Variants in IL1RAPL2 observed in about 807,000 individuals in gnomAD.
The protein encoded by IL1RAPL2 is X-linked interleukin-1 receptor accessory protein-like 2.
A neutral mutation model predicts 44.1 loss-of-function variants in IL1RAPL2; 3 were observed. The observed-to-expected ratio is 0.07, with a 90% CI of 0.03 to 0.18. The LOEUF is 0.18. Among genes scored for constraint, IL1RAPL2 ranks in the 10% least tolerant of loss-of-function variants. The probability of loss-of-function intolerance (pLI) is 1.00; values close to 1 mark genes in which losing one functional copy is unlikely to be tolerated. For missense variants in IL1RAPL2, 391 were observed against 496.4 expected (o/e 0.79, Z 2.02); for synonymous variants, 181 against 178.8 (o/e 1.01, Z -0.10).
intron 2 of IL1RAPL2, among the ~76,000 whole-genome samples, chrX:105,187,517 G>T (rs1477308259): frequency 1.8e-5 from 2 of 111,749 alleles, no homozygotes; most frequent in Admixed American, 9.5e-5. Context: ...ATGGATATTT[G>T]TATACACACA....
At chrX:104,948,317 G>A (rs1251771895) in intron 2 of IL1RAPL2, among the ~76,000 whole-genome samples, 2 of 109,094 alleles carry the variant, frequency 1.8e-5, no homozygotes, top group African/African-American at 6.7e-5. Context: ...GAGATTTTGG[G>A]CTGAGACAAT....
chrX:104,626,865 G>T (rs887415130), intron 1 of IL1RAPL2, among the ~76,000 whole-genome samples: 14 of 104,978 alleles, frequency 1.3e-4, no homozygotes, highest in Non-Finnish European at 1.9e-4. Context: ...CTGTCTCCCA[G>T]GCTGGAGTGC....
chrX:105,273,495 A>G (rs1182254266), intron 5 of IL1RAPL2, among the ~76,000 whole-genome samples: 1 of 112,077 alleles, frequency 8.9e-6, no homozygotes, highest in African/African-American at 3.2e-5. Context: ...CAAAGAAGTT[A>G]TTTGACCTAC....
chrX:104,633,019 A>G (rs1457619959), intron 1 of IL1RAPL2, among the ~76,000 whole-genome samples: 1 of 111,644 alleles, frequency 9.0e-6, no homozygotes, highest in African/African-American at 3.3e-5. Context: ...CGTCCCATCA[A>G]TACCTAATTT....
intron 2 of IL1RAPL2, among the ~76,000 whole-genome samples, chrX:104,782,460 A>G (rs1227326915): frequency 1.8e-5 from 2 of 111,805 alleles, no homozygotes; most frequent in Middle Eastern, 4.6e-3. Context: ...TCATGCTAAT[A>G]TTCACTTAGT....
At chrX:104,600,359 T>C (rs989602131) in intron 1 of IL1RAPL2, among the ~76,000 whole-genome samples, 1 of 111,170 alleles carries the variant, frequency 9.0e-6, no homozygotes, top group Admixed American at 9.6e-5. Flanking sequence ...GTAAATCCAG[T>C]TTTATGCTAT....
chrX:105,325,267 G>A (rs2034927194), intron 5 of IL1RAPL2, among the ~76,000 whole-genome samples: 1 of 110,031 alleles, frequency 9.1e-6, no homozygotes, highest in East Asian at 2.9e-4. Context: ...AGCCTTTTCT[G>A]GAAATTTTAT....
At chrX:105,729,131 T>C (rs1003037247) in intron 7 of IL1RAPL2, among the ~76,000 whole-genome samples, 2 of 111,639 alleles carry the variant, frequency 1.8e-5, no homozygotes, top group Non-Finnish European at 3.8e-5. Context: ...ATTTACCTAT[T>C]GATTGACATA....
chrX:105,377,276 G>A (rs1313807909), intron 5 of IL1RAPL2, among the ~76,000 whole-genome samples: 2 of 110,976 alleles, frequency 1.8e-5, no homozygotes, highest in Non-Finnish European at 3.8e-5. Flanking sequence ...ATTGCTGCCT[G>A]TAATTTCATT....
At chrX:104,853,518 G>A (rs1602760476) in intron 2 of IL1RAPL2, among the ~76,000 whole-genome samples, 1 of 111,206 alleles carries the variant, frequency 9.0e-6, no homozygotes, top group Non-Finnish European at 1.9e-5. Flanking sequence ...GAGGTTACAG[G>A]ATGAAAAACC....
intron 6 of IL1RAPL2, among the ~76,000 whole-genome samples, chrX:105,631,422 G>A (rs1487311416): frequency 8.9e-6 from 1 of 111,949 alleles, no homozygotes; most frequent in Non-Finnish European, 1.9e-5. Flanking sequence ...ATCCCATCTG[G>A]TCCTTCTTCA....
rs782588213 is a variant in IL1RAPL2 at position 105,189,896 on chromosome X, TGAA to T, written c.83-5573_83-5571del. Among the ~76,000 whole-genome samples, 408 of 111,495 alleles carry T rather than the reference TGAA, an allele frequency of 3.7e-3. 4 individuals are homozygous for T. The highest frequency in any genetic ancestry group is 0.012 in the African/African-American group (382 of 30,665). ...TCTTTTACTAGCTCATGGGCTGGGA[TGAA>T]GAAGAGTATAGGAGGCAGGATATAG... On this transcript the variant is annotated intron_variant, in intron 2 of 10. Transcript: ENST00000372582.
At chrX:104,606,254 C>T (rs1318461361) in intron 1 of IL1RAPL2, among the ~76,000 whole-genome samples, 5 of 111,514 alleles carry the variant, frequency 4.5e-5, no homozygotes, top group African/African-American at 1.6e-4. Flanking sequence ...AAAAGGCCTT[C>T]AACAAAATTC....
chrX:105,192,493 G>T (rs1556137862), intron 2 of IL1RAPL2, among the ~76,000 whole-genome samples: 1 of 110,557 alleles, frequency 9.0e-6, no homozygotes, highest in Non-Finnish European at 1.9e-5. Context: ...ACCTCCTTTT[G>T]TCCCACTCTT....
At chrX:104,956,014 A>G (rs905132722) in intron 2 of IL1RAPL2, among the ~76,000 whole-genome samples, 2 of 111,884 alleles carry the variant, frequency 1.8e-5, no homozygotes, top group African/African-American at 6.5e-5. Context: ...AGAGTGGGAG[A>G]TCAGTACTTT....
At chrX:105,498,145 G>A (rs1375944777) in intron 6 of IL1RAPL2, among the ~76,000 whole-genome samples, 1 of 111,716 alleles carries the variant, frequency 9.0e-6, no homozygotes, top group Non-Finnish European at 1.9e-5. Flanking sequence ...AATCTTGTAG[G>A]TAGAAAAACC....
At chrX:104,614,297 T>G (rs1357069111) in intron 1 of IL1RAPL2, among the ~76,000 whole-genome samples, 1 of 112,076 alleles carries the variant, frequency 8.9e-6, no homozygotes, top group East Asian at 2.8e-4. Context: ...ATTTGAGTTC[T>G]TTCTAACTTT....
intron 5 of IL1RAPL2, among the ~76,000 whole-genome samples, chrX:105,387,535 C>A (rs987809573): frequency 2.7e-5 from 3 of 110,710 alleles, no homozygotes; most frequent in Admixed American, 1.9e-4. Flanking sequence ...GCCTGGCCTC[C>A]CTATGTGCAT....
At chrX:104,645,970 A>G (rs1930030912) in intron 1 of IL1RAPL2, among the ~76,000 whole-genome samples, 1 of 112,420 alleles carries the variant, frequency 8.9e-6, no homozygotes, top group African/African-American at 3.2e-5. Context: ...TTGGTCAACC[A>G]GATTAATGGA....
Sources: gnomAD v4.1 joint callset for allele counts (sites outside exome capture counted in the v4.1 genomes callset) on GRCh38, gnomAD v4.1.1 for gene constraint, MANE v1.5 for transcripts, NCBI Gene and HGNC (gene_info 2026-07-23, HGNC 2026-07-21) for gene names.